SYNE1: variants seen among roughly 807,000 people sequenced by gnomAD.
SYNE1 encodes spectrin repeat containing nuclear envelope protein 1, also known as nesprin-1.
SYNE1 carries 616 observed loss-of-function variants against 1,111.0 expected under a neutral mutation model. The observed-to-expected ratio is 0.55, with a 90% CI of 0.52 to 0.59. The LOEUF (loss-of-function observed/expected upper bound fraction) is 0.59. SYNE1 is among the 20% of genes least tolerant of loss of function. The pLI is 0.00. For missense variants in SYNE1, 10,006 were observed against 10,417.0 expected, an observed-to-expected ratio of 0.96 and a Z score of 1.72; for synonymous variants, 3,855 against 3,825.8, an observed-to-expected ratio of 1.01 and a Z score of -0.28.
intron 123 of SYNE1, among the ~76,000 whole-genome samples, chr6:152,212,063 T>G (rs2077625666): frequency 6.6e-6 from 1 of 152,118 alleles, no homozygotes; most frequent in Non-Finnish European, 1.5e-5. Context: ...ATTTCACTAT[T>G]TTAAAAAACT....
At chr6:152,474,114 G>A (rs540442970) in intron 14 of SYNE1, among the ~76,000 whole-genome samples, 2 of 152,144 alleles carry the variant, frequency 1.3e-5, no homozygotes, top group Admixed American at 6.5e-5. Flanking sequence ...GAACCCAGGA[G>A]GTGGAGGTCG....
At chr6:152,561,346 T>A (rs1374191833) in intron 3 of SYNE1, among the ~76,000 whole-genome samples, 1 of 151,938 alleles carries the variant, frequency 6.6e-6, no homozygotes, top group Non-Finnish European at 1.5e-5. Flanking sequence ...TAAAAAAGAA[T>A]AAAATACTTA....
intron 130 of SYNE1, among the ~76,000 whole-genome samples, chr6:152,166,666 A>AGG (rs2063720663): frequency 6.6e-6 from 1 of 152,244 alleles, no homozygotes; most frequent in Non-Finnish European, 1.5e-5. Flanking sequence ...GTGTTCATAT[A>AGG]GTCCATTAGG....
At chr6:152,244,693 T>G in intron 105 of SYNE1, 37 bp from the exon 106 acceptor site, 1 of 1,613,172 alleles carries the variant, frequency 6.2e-7, no homozygotes, top group Non-Finnish European at 8.5e-7. Context: ...AAAACTCCCA[T>G]GAACAATTTC....
At chr6:152,337,965 C>T (rs2096442124) in intron 75 of SYNE1, among the ~76,000 whole-genome samples, 1 of 151,998 alleles carries the variant, frequency 6.6e-6, no homozygotes, top group Non-Finnish European at 1.5e-5. Flanking sequence ...CTGGGCAACA[C>T]AGTGAAACCC....
chr6:152,213,668 C>A lies in SYNE1; in HGVS notation c.22438G>T (p.Ala7480Ser). 6.2e-7 allele frequency: 1 copy of A among 1,614,082 alleles called. No homozygotes were observed. Among genetic ancestry groups the A allele is most frequent in the Non-Finnish European group, 8.5e-7 (1 of 1,180,002 alleles). The part of the protein sequence containing the change: ...EFLVQTEQKL[A>S]VEISGNYQHL... ...TGATAATTTCCTGAAATCTCTACTG[C>A]TAACTTTTGTTCTGTCTGAACTAGG... is the stretch of plus-strand genomic sequence containing the variant. The change falls in exon 123 of 146, where the codon GCA becomes TCA. Residue 7480 changes from alanine (A) to serine (S), a missense_variant. Ala to Ser is a moderately conservative substitution (Grantham distance 99, BLOSUM62 1). Coordinates refer to ENST00000367255, the MANE Select transcript of SYNE1 (RefSeq NM_182961.4).
rs1589228379 is a variant in SYNE1 at position 152,278,142 on chromosome 6, C to T, written c.18520G>A (p.Gly6174Arg). ...GCTCTCTGCAGCTCCAGCAGGCTCC[C>T]CTTGAGCCTTCTCAGCTTTCCAGCC... ...QLAGKLRRLKGSLLELQRALH... is the reference protein window; with the variant it reads ...QLAGKLRRLKRSLLELQRALH... The change falls in exon 98 of 146, where the codon GGG (glycine) becomes AGG (arginine). Residue 6174 changes from glycine (G) to arginine (R), a missense_variant. Gly to Arg is a moderately radical substitution (Grantham distance 125, BLOSUM62 -2). This residue lies in a region of SYNE1 where 2,182 missense variants were observed against 2,287.8 expected (regional missense o/e 0.95). Coordinates refer to ENST00000367255, the MANE Select transcript of SYNE1 (RefSeq NM_182961.4). The T allele has an allele frequency of 6.2e-7, 1 of 1,614,108 alleles. No homozygotes were observed. The highest frequency in any genetic ancestry group is 1.3e-5 in the African/African-American group (1 of 75,050).
Position 152,505,392 on chromosome 6 carries a change from G to A in SYNE1, c.587C>T (p.Thr196Ile), listed in dbSNP as rs2099052225. 1 of 1,613,588 alleles carries A rather than the reference G, an allele frequency of 6.2e-7. No homozygotes were observed. Among genetic ancestry groups the A allele is most frequent in the African/African-American group, 1.3e-5 (1 of 74,896 alleles). ...KWVQYTAGKQ[T>I]GIEVKDFGKS... ...CCCAAAATCTTTTACTTCTATTCCAGTCTGCCTTTGTGTTATAAAAACATA... is the reference window on the plus strand; with the variant it reads ...CCCAAAATCTTTTACTTCTATTCCAATCTGCCTTTGTGTTATAAAAACATA... The change falls in exon 9 of 146, where the codon ACT becomes ATT. Residue 196 changes from threonine (T) to isoleucine (I), a missense_variant. By Grantham distance (89) the Thr-to-Ile change is moderately conservative. Coordinates refer to ENST00000367255, the MANE Select transcript of SYNE1 (RefSeq NM_182961.4).
intron 49 of SYNE1, among the ~76,000 whole-genome samples, chr6:152,397,356 G>A (rs550685): frequency 0.52 from 79,732 of 151,948 alleles, 23,206 homozygotes; most frequent in African/African-American, 0.77. Context: ...CCCTGCATGC[G>A]AAATCCTCAG....
At chr6:152,446,253 A>C (rs1464638042) in intron 29 of SYNE1, among the ~76,000 whole-genome samples, 4 of 151,968 alleles carry the variant, frequency 2.6e-5, no homozygotes, top group Non-Finnish European at 4.4e-5. Flanking sequence ...TCCTGTCACC[A>C]AAAGAGGGAA....
At chr6:152,324,631 A>G (rs1176431653) in intron 81 of SYNE1, among the ~76,000 whole-genome samples, 4 of 151,666 alleles carry the variant, frequency 2.6e-5, no homozygotes, top group Non-Finnish European at 4.4e-5. Flanking sequence ...CGTCTCTAAT[A>G]AAAATACAAA....
chr6:152,419,520 T>G (rs1340243913), intron 40 of SYNE1, 49 bp downstream of exon 40: 2 of 1,562,944 alleles, frequency 1.3e-6, no homozygotes, highest in African/African-American at 2.8e-5. Context: ...CAAGAACTTT[T>G]TTATGAAGAA....
chr6:152,353,476 G>C, intron 68 of SYNE1, 43 bp from the exon 69 acceptor site: 1 of 1,612,018 alleles, frequency 6.2e-7, no homozygotes, highest in Non-Finnish European at 8.5e-7. Flanking sequence ...GTAAAGGCCT[G>C]TGCCAGGGCC....
At chr6:152,312,279 G>A (rs923768914) in intron 87 of SYNE1, among the ~76,000 whole-genome samples, 5 of 146,896 alleles carry the variant, frequency 3.4e-5, no homozygotes, top group South Asian at 4.3e-4. Flanking sequence ...GCGTGATCTC[G>A]GCTCACTGCA....
intron 100 of SYNE1, among the ~76,000 whole-genome samples, chr6:152,262,789 C>T (rs2092195761): frequency 6.7e-6 from 1 of 149,308 alleles, no homozygotes; most frequent in South Asian, 2.1e-4. Flanking sequence ...AGTAACAGGG[C>T]CTGGGAAGGA....
chr6:152,293,464 C>T (rs2094707761), intron 95 of SYNE1, 124 bp downstream of exon 95: 10 of 973,616 alleles, frequency 1.0e-5, no homozygotes, highest in Non-Finnish European at 1.6e-5. Flanking sequence ...TCTGGAAGAA[C>T]TGATAAGGTT....
At chr6:152,556,860 C>A (rs1316278860) in intron 3 of SYNE1, among the ~76,000 whole-genome samples, 2 of 152,104 alleles carry the variant, frequency 1.3e-5, no homozygotes, top group African/African-American at 4.8e-5. Context: ...CCTATGTCTT[C>A]AAATGCATAG....
At chr6:152,432,276 G>A (rs1054518306) in intron 34 of SYNE1, among the ~76,000 whole-genome samples, 13 of 151,978 alleles carry the variant, frequency 8.6e-5, no homozygotes, top group Middle Eastern at 3.2e-3. Flanking sequence ...TCCTAAGATC[G>A]TTTTAAAGGA....
intron 28 of SYNE1, among the ~76,000 whole-genome samples, chr6:152,447,920 T>C (rs942243273): frequency 5.3e-5 from 8 of 152,330 alleles, no homozygotes; most frequent in Admixed American, 2.6e-4. Flanking sequence ...TAGAAAAATA[T>C]GAGACGCCAC....
Sources: gnomAD v4.1 joint callset for allele counts (sites outside exome capture counted in the v4.1 genomes callset) on GRCh38, gnomAD v4.1.1 for gene constraint, gnomAD v4.1.1 regional missense constraint, MANE v1.5 for transcripts, NCBI Gene and HGNC (gene_info 2026-07-23, HGNC 2026-07-21) for gene names.